The following SCN3A variants were observed in gnomAD, a reference collection of about 807,000 sequenced individuals.
The protein encoded by SCN3A is sodium channel protein type 3 subunit alpha.
A neutral mutation model predicts 187.6 loss-of-function variants in SCN3A; 60 were observed. That is an observed-to-expected ratio of 0.32 (90% CI 0.26 to 0.40). The LOEUF is 0.40. SCN3A is among the 10% of genes least tolerant of loss of function. The pLI, the probability that SCN3A is intolerant of heterozygous loss-of-function variation, is 1.00. For synonymous variants in SCN3A, 788 were observed against 829.2 expected, an observed-to-expected ratio of 0.95 and a Z score of 0.85; for missense variants, 1,601 against 2,428.2, an observed-to-expected ratio of 0.66 and a Z score of 7.16.
chr2:165,166,096 T>G (rs1689739669), intron 5 of SCN3A, among the ~76,000 whole-genome samples: 2 of 152,212 alleles, frequency 1.3e-5, no homozygotes, highest in African/African-American at 4.8e-5. Flanking sequence ...CTTGTATTAG[T>G]GGTTAGTGCC....
intron 1 of SCN3A, among the ~76,000 whole-genome samples, chr2:165,191,732 T>A (rs1311057901): frequency 1.3e-5 from 2 of 152,194 alleles, no homozygotes; most frequent in African/African-American, 4.8e-5. Flanking sequence ...AACTTACTTA[T>A]AATGTTTATT....
chr2:165,190,274 C>T (rs1691506489), intron 1 of SCN3A, among the ~76,000 whole-genome samples: 1 of 152,108 alleles, frequency 6.6e-6, no homozygotes, highest in Admixed American at 6.6e-5. Flanking sequence ...GTAGTAACTT[C>T]GATCACCTTC....
At position 165,112,871 on chromosome 2, in the gene SCN3A, C is replaced by T; in HGVS notation, c.3843+14G>A. ...TTTAAAAACAATTTTATAAAAATCA[C>T]TTAAAATACTTACATCAACGATCAA... On this transcript the variant is annotated intron_variant, in intron 21 of 27. Transcript: ENST00000283254. 1 of 1,609,574 alleles carries T rather than the reference C, an allele frequency of 6.2e-7. No individual in the cohort carries two copies. Among genetic ancestry groups the T allele is most frequent in the Non-Finnish European group, 8.5e-7 (1 of 1,177,406 alleles).
intron 18 of SCN3A, among the ~76,000 whole-genome samples, chr2:165,124,199 T>C (rs960445001): frequency 1.3e-5 from 2 of 152,072 alleles, no homozygotes; most frequent in African/African-American, 4.8e-5. Context: ...GTAAGAAATG[T>C]TTTCCAGGTA....
intron 6 of SCN3A, chr2:165,163,926 T>C: frequency 6.3e-7 from 1 of 1,592,488 alleles, no homozygotes; most frequent in Non-Finnish European, 8.6e-7. Context: ...CTGATAGTTT[T>C]GGCAAAGTTT....
chr2:165,109,407 ACAT>A (rs1261002469), intron 21 of SCN3A, among the ~76,000 whole-genome samples: 3 of 152,156 alleles, frequency 2.0e-5, no homozygotes, highest in Admixed American at 1.3e-4. Context: ...TGTCTAATAA[ACAT>A]CTCAAATGAA....
rs1687946861 is a variant in SCN3A, at chr2:165,140,591, G to A, written c.2019+60C>T. ...ACGGTATGACAGCCTAAACTGTCCA[G>A]GCTTTGATTATTTCAAATTGGTGAA... On this transcript the variant is annotated intron_variant, in intron 13 of 27. Coordinates refer to ENST00000283254, the MANE Select transcript of SCN3A (RefSeq NM_006922.4). This position sits in a 1 kb window ranked among gnomAD's most constrained non-coding sequence, Gnocchi z 4.2. The A allele has an allele frequency of 7.4e-6, 11 of 1,480,338 alleles. No homozygotes were observed. The highest frequency in any genetic ancestry group is 1.0e-5 in the Non-Finnish European group (11 of 1,058,546). The allele number at this position is 1,480,338 out of a possible 1,614,324, so 91.7% of individuals were successfully genotyped here.
intron 1 of SCN3A, among the ~76,000 whole-genome samples, chr2:165,187,830 G>T (rs1384440810): frequency 6.6e-6 from 1 of 152,106 alleles, no homozygotes; most frequent in Non-Finnish European, 1.5e-5. Flanking sequence ...ATACCCATAA[G>T]ACACACCTTG....
chr2:165,112,917 C>A lies in SCN3A; in HGVS notation c.3811G>T (p.Ala1271Ser). 3 of 1,613,500 alleles carry A rather than the reference C, an allele frequency of 1.9e-6. No individual in the cohort carries two copies. Among genetic ancestry groups the A allele is most frequent in the Non-Finnish European group, 2.5e-6 (3 of 1,179,752 alleles). The change falls in exon 21 of 28, where the codon GCC becomes TCC. Residue 1271 changes from alanine (A) to serine (S), a missense_variant. Transcript: ENST00000283254. ...AYGFQTYFTN[A>S]WCWLDFLIVD... ...ATCAAGAAATCTAGCCAGCACCAGGCATTAGTGAAATATGTTTGAAATCCA... is the reference window on the plus strand; with the variant it reads ...ATCAAGAAATCTAGCCAGCACCAGGAATTAGTGAAATATGTTTGAAATCCA...
At chr2:165,109,641 T>A (rs897911128) in intron 21 of SCN3A, among the ~76,000 whole-genome samples, 2 of 152,148 alleles carry the variant, frequency 1.3e-5, no homozygotes, top group African/African-American at 4.8e-5. Context: ...TCTTGCATTA[T>A]TAAAACAACC....
intron 18 of SCN3A, among the ~76,000 whole-genome samples, chr2:165,117,081 A>G (rs1487056195): frequency 6.6e-6 from 1 of 151,586 alleles, no homozygotes; most frequent in Non-Finnish European, 1.5e-5. Context: ...AGAAAGACCT[A>G]GGAAAATTAC....
intron 15 of SCN3A, among the ~76,000 whole-genome samples, chr2:165,135,150 T>C (rs1290712028): frequency 1.3e-5 from 2 of 152,084 alleles, no homozygotes; most frequent in Non-Finnish European, 2.9e-5. Context: ...TTGTCTAACC[T>C]ACTATGATTG....
intron 18 of SCN3A, among the ~76,000 whole-genome samples, chr2:165,125,146 G>A (rs1348271818): frequency 6.6e-6 from 1 of 152,042 alleles, no homozygotes; most frequent in African/African-American, 2.4e-5. Context: ...CAAGCTCACT[G>A]TCAGCTCCAC....
chr2:165,111,698 AT>A (rs1442072525), intron 21 of SCN3A, among the ~76,000 whole-genome samples: 3 of 152,256 alleles, frequency 2.0e-5, no homozygotes, highest in African/African-American at 4.8e-5. Context: ...TAGTTTTCTC[AT>A]GTCTTGAATA....
At chr2:165,173,726 A>G (rs73969303) in intron 3 of SCN3A, among the ~76,000 whole-genome samples, 1,914 of 152,298 alleles carry the variant, frequency 0.013, 41 homozygotes, top group African/African-American at 0.044. Flanking sequence ...ATATTTTTAA[A>G]TTCTAAAACT....
At chr2:165,166,039 G>A (rs1467824745) in intron 5 of SCN3A, among the ~76,000 whole-genome samples, 1 of 152,192 alleles carries the variant, frequency 6.6e-6, no homozygotes, top group Admixed American at 6.5e-5. Context: ...TGTAGAGATA[G>A]CTGGCCTTTT....
At chr2:165,095,398 A>G (rs575996997) in intron 25 of SCN3A, 113 bp downstream of exon 25, 3 of 1,149,810 alleles carry the variant, frequency 2.6e-6, no homozygotes, top group Admixed American at 1.9e-5. Context: ...GGGCAACTGA[A>G]AATAATATAA....
chr2:165,120,384 A>T (rs553951483), intron 18 of SCN3A, among the ~76,000 whole-genome samples: 10 of 151,958 alleles, frequency 6.6e-5, no homozygotes, highest in Non-Finnish European at 1.5e-4. Flanking sequence ...CCATATGACA[A>T]ATATTGCTCT....
At chr2:165,191,100 G>T (rs893304483) in intron 1 of SCN3A, among the ~76,000 whole-genome samples, 1 of 140,114 alleles carries the variant, frequency 7.1e-6, no homozygotes, top group African/African-American at 2.6e-5. Flanking sequence ...CATGTATACT[G>T]GGCATATCAC....
Sources: gnomAD v4.1 joint callset for allele counts (sites outside exome capture counted in the v4.1 genomes callset) on GRCh38, gnomAD v4.1.1 for gene constraint, Gnocchi (gnomAD v3.1) non-coding constraint, MANE v1.5 for transcripts, NCBI Gene and HGNC (gene_info 2026-07-23, HGNC 2026-07-21) for gene names.